PLGRKT: variants seen among roughly 807,000 people sequenced by gnomAD.
PLGRKT encodes the protein plasminogen receptor (KT).
PLGRKT carries 22 observed loss-of-function variants against 18.5 expected under a neutral mutation model. That is an observed-to-expected ratio of 1.19 (90% CI 0.85 to 1.70). The LOEUF (loss-of-function observed/expected upper bound fraction) is 1.70. Ranked by LOEUF, PLGRKT falls within the 40% of genes most tolerant of loss-of-function variation. PLGRKT has a pLI of 0.00. For synonymous variants in PLGRKT, 72 were observed against 52.8 expected (o/e 1.36, Z -1.58); for missense variants, 235 against 174.4 (o/e 1.35, Z -1.96).
chr9:5,422,553 G>A (rs931880773), intron 3 of PLGRKT, among the ~76,000 whole-genome samples: 1 of 152,204 alleles, frequency 6.6e-6, no homozygotes, highest in African/African-American at 2.4e-5. Context: ...GAAAGACTTA[G>A]GAGTCATAAT....
At chr9:5,424,691 T>TATATATATATATATATATATATATATAC (rs201541927) in intron 3 of PLGRKT, among the ~76,000 whole-genome samples, 7 of 70,476 alleles carry the variant, frequency 9.9e-5, no homozygotes, top group African/African-American at 4.3e-4. Flanking sequence ...TATATATATA[T>TATATATATATATATATATATATATATAC]ACACACAGGG....
intron 3 of PLGRKT, among the ~76,000 whole-genome samples, chr9:5,401,842 CA>C (rs1476207674): frequency 2.0e-5 from 3 of 151,944 alleles, no homozygotes; most frequent in South Asian, 4.1e-4. Flanking sequence ...AAGGCGGTGT[CA>C]AGGGGACATC....
Position 5,431,910 on chromosome 9 carries a change from T to C in PLGRKT, c.68A>G (p.Asn23Ser), listed in dbSNP as rs150884845. Residue 23 changes from asparagine to serine, a missense_variant, in exon 3 of 6, where the codon AAT becomes AGT. By Grantham distance (46) the Asn-to-Ser change is conservative (BLOSUM62 1). Transcript: ENST00000223864. ...MKNQKEFMLM[N>S]ARLQLERQLI... ...TTTAAAACATACCTGAAGTCGAGCA[T>C]TCATAAGCATGAACTCCTTTTGATT... is the stretch of plus-strand genomic sequence containing the variant. The C allele has an allele frequency of 9.1e-5, 138 of 1,509,100 alleles. No individual in the cohort carries two copies. In the African/African-American group the frequency reaches 1.6e-3, roughly 18 times the overall value. The allele number at this position is 1,509,100 out of a possible 1,614,324, so 93.5% of individuals were successfully genotyped here.
chr9:5,367,194 A>C (rs1817412418), intron 3 of PLGRKT, among the ~76,000 whole-genome samples: 1 of 152,162 alleles, frequency 6.6e-6, no homozygotes, highest in Non-Finnish European at 1.5e-5. Flanking sequence ...ATTAAGTGCT[A>C]TTCCTATCAA....
At chr9:5,380,694 T>C (rs1344337325) in intron 3 of PLGRKT, among the ~76,000 whole-genome samples, 2 of 152,250 alleles carry the variant, frequency 1.3e-5, no homozygotes, top group Non-Finnish European at 1.5e-5. Context: ...GTAAGCTCCA[T>C]GAGGGCAAAG....
chr9:5,404,278 G>A (rs1423594042), intron 3 of PLGRKT, among the ~76,000 whole-genome samples: 1 of 152,158 alleles, frequency 6.6e-6, no homozygotes, highest in Non-Finnish European at 1.5e-5. Flanking sequence ...CATTCTATGA[G>A]GACAGCATCA....
intron 5 of PLGRKT, among the ~76,000 whole-genome samples, chr9:5,360,225 C>T (rs1817232471): frequency 1.3e-5 from 2 of 152,196 alleles, no homozygotes; most frequent in Admixed American, 6.5e-5. Context: ...ATGCTACTTA[C>T]AATGTAATAG....
Position 5,387,309 on chromosome 9 carries a change from G to A in PLGRKT, c.82-25421C>T, listed in dbSNP as rs112910570. On this transcript the variant is annotated intron_variant, in intron 3 of 5. Coordinates refer to ENST00000223864, the MANE Select transcript of PLGRKT (RefSeq NM_018465.4). Reference sequence around the variant, plus strand: ...ATTTCAACAGGACCATCTGACCTCTGTTTTAAGAATATTGAGTACCCAAGA... The same window carrying A: ...ATTTCAACAGGACCATCTGACCTCTATTTTAAGAATATTGAGTACCCAAGA... Among the ~76,000 whole-genome samples, 326 of 151,978 alleles carry A rather than the reference G, an allele frequency of 2.1e-3. 5 individuals are homozygous for A. The highest frequency in any genetic ancestry group is 7.5e-3 in the African/African-American group (309 of 41,286).
chr9:5,434,388 G>A (rs1386558711), intron 2 of PLGRKT, among the ~76,000 whole-genome samples: 2 of 144,862 alleles, frequency 1.4e-5, no homozygotes, highest in Non-Finnish European at 1.5e-5. Flanking sequence ...GGGAGGTGAG[G>A]GGCGTCTCTG....
chr9:5,377,208 A>C (rs2131086397), intron 3 of PLGRKT, among the ~76,000 whole-genome samples: 1 of 152,184 alleles, frequency 6.6e-6, no homozygotes, highest in East Asian at 1.9e-4. Flanking sequence ...AAGTGCAAAA[A>C]GCATAATATA....
At chr9:5,359,156 G>A (rs1817205780) in intron 5 of PLGRKT, among the ~76,000 whole-genome samples, 1 of 151,430 alleles carries the variant, frequency 6.6e-6, no homozygotes, top group Admixed American at 6.6e-5. Flanking sequence ...TCTGTCTCCT[G>A]GGTTCAAGTG....
chr9:5,434,139 G>A lies in PLGRKT; in HGVS notation c.-6-2156C>T, dbSNP rs376449305. 3.6e-3 allele frequency among the ~76,000 whole-genome samples: 503 copies of A among 139,172 alleles called. 3 individuals are homozygous for A. Among genetic ancestry groups the A allele is most frequent in the African/African-American group, 0.013 (475 of 36,508 alleles). The allele number at this position is 139,172 out of a possible 152,430, so 91.3% of individuals were successfully genotyped here. On this transcript the variant is annotated intron_variant, in intron 2 of 5. Transcript: ENST00000223864. ...GGGAGGTCAGGGGCGTCTCTGCCCC[G>A]CCGCCACCCCGTCTGGGAAGTGAGG...
Position 5,361,826 on chromosome 9 carries a change from C to A in PLGRKT, c.144G>T (p.Ala48=), listed in dbSNP as rs548653930. The A allele has an allele frequency of 4.3e-6, 7 of 1,611,556 alleles. No individual in the cohort carries two copies. The East Asian group carries it at 1.1e-4, about 26-fold the overall frequency. The change falls in exon 4 of 6, where the codon GCG becomes GCT. Residue 48 remains alanine (A), a synonymous_variant. Transcript: ENST00000223864. ...MRERQMAMQI[A]WSREFLKYFG... is the part of the protein sequence containing the mutation. Reference sequence around the variant, plus strand: ...AATATTTGAGGAATTCCCGAGACCACGCAATCTGCATGGCCATTTGTCTTT... The same window carrying A: ...AATATTTGAGGAATTCCCGAGACCAAGCAATCTGCATGGCCATTTGTCTTT...
At chr9:5,400,835 C>G (rs1818140299) in intron 3 of PLGRKT, among the ~76,000 whole-genome samples, 1 of 151,860 alleles carries the variant, frequency 6.6e-6, no homozygotes, top group Admixed American at 6.6e-5. Context: ...CCAACATATT[C>G]AACTACGCTG....
intron 3 of PLGRKT, among the ~76,000 whole-genome samples, chr9:5,426,198 G>A (rs913292828): frequency 5.9e-5 from 9 of 152,190 alleles, no homozygotes; most frequent in Non-Finnish European, 2.9e-5. Context: ...AATACATAGG[G>A]AGGAGAACCC....
intron 3 of PLGRKT, among the ~76,000 whole-genome samples, chr9:5,376,480 T>C (rs894989605): frequency 9.2e-5 from 14 of 152,312 alleles, no homozygotes; most frequent in African/African-American, 3.4e-4. Context: ...GAGACTTCAT[T>C]ATTAATGAGA....
intron 3 of PLGRKT, among the ~76,000 whole-genome samples, chr9:5,386,947 T>C (rs990665849): frequency 9.9e-5 from 15 of 151,840 alleles, no homozygotes; most frequent in East Asian, 1.9e-4. Flanking sequence ...AAGTGACCCA[T>C]GTGGACAGCA....
chr9:5,371,855 C>T (rs1381355536), intron 3 of PLGRKT, among the ~76,000 whole-genome samples: 2 of 151,722 alleles, frequency 1.3e-5, no homozygotes, highest in Admixed American at 1.3e-4. Context: ...TCCACTATGT[C>T]ATTCCCAACA....
At chr9:5,361,985 GCTTT>G (rs1817277999) in intron 3 of PLGRKT, 97 bp from the exon 4 acceptor site, 9 of 1,189,660 alleles carry the variant, frequency 7.6e-6, no homozygotes, top group Middle Eastern at 3.8e-4. Flanking sequence ...TTCTTCAATT[GCTTT>G]AATTCATGTT....
Sources: gnomAD v4.1 joint callset for allele counts (sites outside exome capture counted in the v4.1 genomes callset) on GRCh38, gnomAD v4.1.1 for gene constraint, MANE v1.5 for transcripts, NCBI Gene and HGNC (gene_info 2026-07-23, HGNC 2026-07-21) for gene names.